GPHN: variants seen among roughly 807,000 people sequenced by gnomAD.
GPHN encodes the protein gephyrin.
A neutral mutation model predicts 95.5 loss-of-function variants in GPHN; 17 were observed. The ratio of observed to expected loss-of-function variants is 0.18; its 90% CI spans 0.12 to 0.27. The LOEUF (loss-of-function observed/expected upper bound fraction) is 0.27. Ranked by LOEUF, GPHN falls within the 10% of genes least tolerant of loss-of-function variation. GPHN has a pLI of 1.00. For synonymous variants in GPHN, 320 were observed against 322.5 expected, an observed-to-expected ratio of 0.99 and a Z score of 0.08; for missense variants, 660 against 978.1, an observed-to-expected ratio of 0.67 and a Z score of 4.34.
At chr14:67,438,190 C>G in the GPHN span, among the ~76,000 whole-genome samples, 1 of 152,304 alleles carries the variant, frequency 6.6e-6, no homozygotes, top group South Asian at 2.1e-4. Flanking sequence ...CCCTAATCTC[C>G]CCTGAGCCTC....
intron 3 of GPHN, among the ~76,000 whole-genome samples, chr14:66,798,873 C>T (rs1482459612): frequency 1.3e-5 from 2 of 151,118 alleles, no homozygotes; most frequent in Non-Finnish European, 3.0e-5. Context: ...TTGGTTTGCC[C>T]TTGCTTGTCT....
At chr14:67,709,705 A>T in the GPHN span, among the ~76,000 whole-genome samples, 1 of 152,222 alleles carries the variant, frequency 6.6e-6, no homozygotes, top group Non-Finnish European at 1.5e-5. Flanking sequence ...ATCTTCTACC[A>T]GGCCTGAAGA....
chr14:66,817,304 A>C (rs1414633400), intron 3 of GPHN, among the ~76,000 whole-genome samples: 1 of 152,100 alleles, frequency 6.6e-6, no homozygotes, highest in Non-Finnish European at 1.5e-5. Flanking sequence ...TCTTAAACTG[A>C]AAATTAACTT....
intron 9 of GPHN, among the ~76,000 whole-genome samples, chr14:66,979,352 C>T (rs2070494714): frequency 6.6e-6 from 1 of 152,190 alleles, no homozygotes; most frequent in South Asian, 2.1e-4. Flanking sequence ...GTATAGCTGC[C>T]TTCATCAAGG....
chr14:67,692,810 A>T, the GPHN span: 3 of 878,300 alleles, frequency 3.4e-6, no homozygotes, highest in Non-Finnish European at 5.4e-6. Flanking sequence ...CAGATCAGCA[A>T]ATCAGTGGAA....
At chr14:66,918,967 G>C (rs1430149859) in intron 6 of GPHN, among the ~76,000 whole-genome samples, 1 of 152,008 alleles carries the variant, frequency 6.6e-6, no homozygotes, top group East Asian at 1.9e-4. Flanking sequence ...AAATGTGAAA[G>C]AGAAAGACCT....
the GPHN span, among the ~76,000 whole-genome samples, chr14:67,429,962 T>C: frequency 0.012 from 1,800 of 152,284 alleles, 14 homozygotes; most frequent in Middle Eastern, 0.021. Flanking sequence ...ATTAAGTAAC[T>C]TCCTCAAGAT....
At chr14:67,424,171 CGGA>C in the GPHN span, among the ~76,000 whole-genome samples, 2 of 151,956 alleles carry the variant, frequency 1.3e-5, no homozygotes, top group Non-Finnish European at 2.9e-5. Flanking sequence ...ACCCGGGAGA[CGGA>C]GTTTGTGGTG....
chr14:67,115,158 A>G (rs2078603767), intron 16 of GPHN, among the ~76,000 whole-genome samples: 1 of 152,068 alleles, frequency 6.6e-6, no homozygotes, highest in Non-Finnish European at 1.5e-5. Flanking sequence ...AGTTTTTATT[A>G]TGACTCTATG....
chr14:67,474,252 C>CA, the GPHN span, among the ~76,000 whole-genome samples: 1 of 109,790 alleles, frequency 9.1e-6, no homozygotes, highest in African/African-American at 4.5e-5. Context: ...ACTCTGTCTC[C>CA]AAAAAAACAA....
At chr14:67,356,761 C>T in the GPHN span, among the ~76,000 whole-genome samples, 1 of 152,222 alleles carries the variant, frequency 6.6e-6, no homozygotes, top group East Asian at 1.9e-4. Context: ...CTGGCTGACT[C>T]TGCACTGACT....
chr14:66,900,555 C>T (rs2065076336), intron 5 of GPHN, among the ~76,000 whole-genome samples: 1 of 151,716 alleles, frequency 6.6e-6, no homozygotes, highest in African/African-American at 2.4e-5. Context: ...CACTACCCTT[C>T]CTGGCCCCTG....
chr14:66,519,007 A>G (rs1289308169), intron 1 of GPHN, among the ~76,000 whole-genome samples: 1 of 152,046 alleles, frequency 6.6e-6, no homozygotes, highest in Non-Finnish European at 1.5e-5. Context: ...AAGAAATGAT[A>G]AATGTTCAAG....
At chr14:66,756,905 A>G (rs2058577584) in intron 2 of GPHN, among the ~76,000 whole-genome samples, 1 of 152,246 alleles carries the variant, frequency 6.6e-6, no homozygotes, top group Admixed American at 6.5e-5. Context: ...ATTCTGTTAG[A>G]CAGAAATAGA....
the GPHN span, among the ~76,000 whole-genome samples, chr14:67,439,544 T>TCTTTCTTTCTTC: frequency 1.5e-5 from 1 of 67,872 alleles, no homozygotes; most frequent in Non-Finnish European, 2.8e-5. Flanking sequence ...TTTCTTTCTT[T>TCTTTCTTTCTTC]CTTTCTTTCT....
chr14:66,604,219 T>G (rs2062399406), intron 1 of GPHN, among the ~76,000 whole-genome samples: 1 of 152,122 alleles, frequency 6.6e-6, no homozygotes, highest in Non-Finnish European at 1.5e-5. Context: ...CATGATTGAT[T>G]TGTAGGAACT....
At chr14:67,557,146 G>T in the GPHN span, 1 of 702,754 alleles carries the variant, frequency 1.4e-6, no homozygotes, top group South Asian at 1.9e-5. Context: ...GACTGCCCTG[G>T]GTAAGGGCTG....
intron 18 of GPHN, among the ~76,000 whole-genome samples, chr14:67,144,261 A>ACG (rs2080735520): frequency 1.0e-5 from 1 of 95,384 alleles, no homozygotes; most frequent in Non-Finnish European, 2.0e-5. Context: ...ATATATATAT[A>ACG]TATATATATA....
At chr14:67,436,598 T>A in the GPHN span, among the ~76,000 whole-genome samples, 1 of 152,168 alleles carries the variant, frequency 6.6e-6, no homozygotes, top group South Asian at 2.1e-4. Context: ...ACTGTTAGTC[T>A]GCTCCCAGCC....
Sources: gnomAD v4.1 joint callset for allele counts (sites outside exome capture counted in the v4.1 genomes callset) on GRCh38, gnomAD v4.1.1 for gene constraint, MANE v1.5 for transcripts, NCBI Gene and HGNC (gene_info 2026-07-23, HGNC 2026-07-21) for gene names.